Variants in ERI3 observed in about 807,000 individuals in gnomAD.
ERI3 encodes ERI1 exoribonuclease 3.
ERI3 carries 18 observed loss-of-function variants against 44.4 expected under a neutral mutation model. The ratio of observed to expected loss-of-function variants is 0.41; its 90% confidence interval spans 0.28 to 0.60. ERI3 has a LOEUF of 0.60. Ranked by LOEUF, ERI3 falls within the 20% of genes least tolerant of loss-of-function variation. The pLI, the probability that ERI3 is intolerant of heterozygous loss-of-function variation, is 0.36. For missense variants in ERI3, 294 were observed against 435.5 expected (o/e 0.68, Z 2.89); for synonymous variants, 183 against 164.8 (o/e 1.11, Z -0.84).
At chr1:44,305,796 G>A (rs1235226104) in intron 6 of ERI3, among the ~76,000 whole-genome samples, 1 of 152,212 alleles carries the variant, frequency 6.6e-6, no homozygotes, top group Non-Finnish European at 1.5e-5. Context: ...AGGAACCATG[G>A]CTTCCGGAAA....
intron 8 of ERI3, among the ~76,000 whole-genome samples, chr1:44,225,379 C>T (rs542706159): frequency 6.6e-5 from 10 of 152,282 alleles, no homozygotes; most frequent in East Asian, 5.8e-4. Context: ...TCTTGTACCT[C>T]GGCCTCCCAA....
intron 1 of ERI3, chr1:44,354,341 AG>A: frequency 1.0e-6 from 1 of 985,456 alleles, no homozygotes; most frequent in Non-Finnish European, 1.2e-6. Flanking sequence ...ACCCCCATTG[AG>A]GGGCCCCACA....
intron 8 of ERI3, among the ~76,000 whole-genome samples, chr1:44,225,614 A>G (rs1644019469): frequency 6.6e-6 from 1 of 152,212 alleles, no homozygotes; most frequent in South Asian, 2.1e-4. Context: ...CCTTACAAGG[A>G]AAGACAAGCT....
At chr1:44,334,531 G>T (rs1646494723) in intron 3 of ERI3, among the ~76,000 whole-genome samples, 1 of 152,118 alleles carries the variant, frequency 6.6e-6, no homozygotes. Context: ...CTGAAATTTG[G>T]ACCCTCTAAA....
Position 44,259,681 on chromosome 1 carries a change from A to AAC in ERI3, c.832-11645_832-11644dup, listed in dbSNP as rs1430303370. On this transcript the variant is annotated intron_variant, in intron 7 of 8. Transcript: ENST00000372257. ...ACGTGGCAAAATCCTATCTCTACAA[A>AAC]ACACACAGACACACACACACACACA... is the stretch of plus-strand genomic sequence containing the variant. Among the ~76,000 whole-genome samples, 9 of 54,048 alleles carry AAC rather than the reference A, an allele frequency of 1.7e-4. No homozygotes were observed. In the East Asian group the frequency reaches 4.3e-3, roughly 26 times the overall value. 35.5% of individuals were successfully genotyped at this position (54,048 alleles called of 152,430 possible).
At chr1:44,263,326 C>A (rs763454583) in intron 7 of ERI3, among the ~76,000 whole-genome samples, 3 of 152,214 alleles carry the variant, frequency 2.0e-5, no homozygotes, top group Admixed American at 6.5e-5. Flanking sequence ...TGAAGGGGAA[C>A]TGTCCTCCCT....
chr1:44,306,164 C>A (rs531006241), intron 6 of ERI3, among the ~76,000 whole-genome samples: 12 of 152,346 alleles, frequency 7.9e-5, no homozygotes, highest in African/African-American at 2.9e-4. Context: ...CTCCCTCCCC[C>A]AAGCCCTGCC....
At chr1:44,295,280 G>GA (rs1412280286) in intron 6 of ERI3, among the ~76,000 whole-genome samples, 3 of 151,566 alleles carry the variant, frequency 2.0e-5, no homozygotes, top group African/African-American at 7.3e-5. Context: ...CTGTTCAAAA[G>GA]AAAAAAAAGT....
chr1:44,321,365 G>C (rs866725836), intron 3 of ERI3, among the ~76,000 whole-genome samples: 12 of 152,102 alleles, frequency 7.9e-5, no homozygotes, highest in South Asian at 4.1e-4. Context: ...GAGGCAGAGG[G>C]GAGAGAAGGG....
At chr1:44,264,443 T>C (rs1644951450) in intron 7 of ERI3, among the ~76,000 whole-genome samples, 1 of 152,218 alleles carries the variant, frequency 6.6e-6, no homozygotes, top group Admixed American at 6.5e-5. Flanking sequence ...TGCCTTCTGA[T>C]CAATCTGAAT....
chr1:44,232,685 C>T (rs527300731), intron 8 of ERI3, among the ~76,000 whole-genome samples: 15 of 152,310 alleles, frequency 9.8e-5, no homozygotes, highest in South Asian at 8.3e-4. Flanking sequence ...GCAAGAATAG[C>T]GTATTTCCCA....
rs1394767156 is a variant in ERI3 at position 44,221,094 on chromosome 1, C to T, written c.*464G>A. On this transcript the variant is annotated 3_prime_UTR_variant, in exon 9 of 9. Coordinates refer to ENST00000372257, the MANE Select transcript of ERI3 (RefSeq NM_024066.3). The surrounding 1 kb of genome is among the most constrained non-coding windows in gnomAD (Gnocchi z 5.9). ...ATGGCTTTGCACACACACCCAGTGC[C>T]TCGTTTCCCCGACTTTATTCAGTGG... 4.1e-5 allele frequency: 11 copies of T among 269,336 alleles called. No individual in the cohort carries two copies. The East Asian group carries it at 9.5e-4, about 23-fold the overall frequency. 16.7% of individuals were successfully genotyped at this position (269,336 alleles called of 1,614,324 possible). A position where few individuals can be genotyped will look rare whatever the true frequency, so the allele number is the denominator to read the frequency against.
chr1:44,265,492 T>A (rs559070823), intron 7 of ERI3, among the ~76,000 whole-genome samples: 1 of 152,240 alleles, frequency 6.6e-6, no homozygotes, highest in East Asian at 1.9e-4. Context: ...CAGTCAACAA[T>A]ACAGCAGTGA....
At position 44,344,334 on chromosome 1, in the gene ERI3, C is replaced by G. The variant is rs552470132; in HGVS notation, c.212-5012G>C. Among the ~76,000 whole-genome samples, 15 of 152,146 alleles carry G rather than the reference C, an allele frequency of 9.9e-5. 2 individuals are homozygous for G. The highest frequency in any genetic ancestry group is 3.6e-4 in the African/African-American group (15 of 41,502). ...GTTACAATTTTAAAATTAAAAATAT[C>G]ACACAGACAGTATTTGAAGAGACAG... On this transcript the variant is annotated intron_variant, in intron 2 of 8. Coordinates refer to ENST00000372257, the MANE Select transcript of ERI3 (RefSeq NM_024066.3).
chr1:44,236,189 C>T (rs1056173873), intron 8 of ERI3, among the ~76,000 whole-genome samples: 4 of 152,150 alleles, frequency 2.6e-5, no homozygotes, highest in Non-Finnish European at 4.4e-5. Flanking sequence ...CCTGCCCTGG[C>T]ACCCAGGGGT....
chr1:44,354,311 G>C (rs767553891), intron 1 of ERI3: 7 of 985,424 alleles, frequency 7.1e-6, no homozygotes, highest in Non-Finnish European at 8.4e-6. Context: ...GCAAAATCCA[G>C]CTCTAAGGAC....
chr1:44,329,596 T>C (rs1053827740), intron 3 of ERI3, among the ~76,000 whole-genome samples: 20 of 152,328 alleles, frequency 1.3e-4, no homozygotes, highest in African/African-American at 4.8e-4. Context: ...CTCTCAGTTT[T>C]ATCACACTTT....
At position 44,355,093 on chromosome 1, in the gene ERI3, C is replaced by A. The variant is rs536238101; in HGVS notation, c.-67G>T. On this transcript the variant is annotated 5_prime_UTR_variant, in exon 1 of 9. Transcript: ENST00000372257. ...CAGGTGCAGGCCCCGACGTCTCCCT[C>A]GGCCTCAGCAAGCGCTCAGGGCAGT... 3.9e-6 allele frequency: 5 copies of A among 1,266,408 alleles called. No individual in the cohort carries two copies. In the East Asian group the frequency reaches 1.6e-4, roughly 39 times the overall value. The allele number at this position is 1,266,408 out of a possible 1,614,324, so 78.4% of individuals were successfully genotyped here.
At chr1:44,339,370 A>C in intron 2 of ERI3, 48 bp from the exon 3 acceptor site, 2 of 1,392,844 alleles carry the variant, frequency 1.4e-6, no homozygotes, top group Non-Finnish European at 1.9e-6. Context: ...AAAAGAAAGA[A>C]AAAAAAAAAA....
Sources: gnomAD v4.1 joint callset for allele counts (sites outside exome capture counted in the v4.1 genomes callset) on GRCh38, gnomAD v4.1.1 for gene constraint, Gnocchi (gnomAD v3.1) non-coding constraint, MANE v1.5 for transcripts, NCBI Gene and HGNC (gene_info 2026-07-23, HGNC 2026-07-21) for gene names.